Variants in C8orf34 observed in about 807,000 individuals in gnomAD.
C8orf34 encodes chromosome 8 open reading frame 34.
In C8orf34, 65 loss-of-function variants were observed where a neutral mutation model predicts 68.3. The ratio of observed to expected loss-of-function variants is 0.95; its 90% CI spans 0.78 to 1.17. C8orf34 has a LOEUF of 1.17. Among genes scored for constraint, C8orf34 ranks in the 50% most tolerant of loss-of-function variants. C8orf34 has a pLI of 0.00. For missense variants in C8orf34, 664 were observed against 655.4 expected (o/e 1.01, Z -0.14); for synonymous variants, 244 against 241.2 (o/e 1.01, Z -0.11).
intron 8 of C8orf34, among the ~76,000 whole-genome samples, chr8:68,707,912 C>A (rs6651316): frequency 0.081 from 12,245 of 151,980 alleles, 758 homozygotes; most frequent in African/African-American, 0.17. Flanking sequence ...AGAATATTTG[C>A]TATTGCTGAA....
At chr8:68,793,152 A>C (rs759748545) in intron 12 of C8orf34, among the ~76,000 whole-genome samples, 22 of 152,334 alleles carry the variant, frequency 1.4e-4, no homozygotes, top group Non-Finnish European at 2.6e-4. Flanking sequence ...TTTGATATTC[A>C]CATTGTAAAA....
intron 10 of C8orf34, among the ~76,000 whole-genome samples, chr8:68,753,765 G>T (rs1822770859): frequency 6.6e-6 from 1 of 152,158 alleles, no homozygotes; most frequent in Admixed American, 6.5e-5. Context: ...TTTTCATTGA[G>T]GAATGTGGTT....
At chr8:68,653,010 T>C (rs1261300103) in intron 8 of C8orf34, among the ~76,000 whole-genome samples, 1 of 152,218 alleles carries the variant, frequency 6.6e-6, no homozygotes, top group African/African-American at 2.4e-5. Flanking sequence ...CTTAACTTCT[T>C]GGTTCTGTAA....
chr8:68,772,831 TTTTC>T (rs373492193), intron 10 of C8orf34, among the ~76,000 whole-genome samples: 3 of 147,400 alleles, frequency 2.0e-5, no homozygotes, highest in African/African-American at 5.1e-5. Context: ...TCTGTCTTTC[TTTTC>T]TTTCTTTCTC....
intron 3 of C8orf34, among the ~76,000 whole-genome samples, chr8:68,465,799 T>A (rs1471490401): frequency 7.1e-6 from 1 of 141,294 alleles, no homozygotes; most frequent in African/African-American, 2.7e-5. Flanking sequence ...TGGGGCCTGT[T>A]GTGGGGTGGG....
chr8:68,425,537 T>C (rs1220962652), intron 1 of C8orf34, among the ~76,000 whole-genome samples: 1 of 152,132 alleles, frequency 6.6e-6, no homozygotes, highest in Admixed American at 6.5e-5. Flanking sequence ...ATTATAAAAC[T>C]AAAGAAAAAT....
intron 7 of C8orf34, among the ~76,000 whole-genome samples, chr8:68,604,217 A>C (rs1346643643): frequency 1.3e-5 from 2 of 152,074 alleles, no homozygotes; most frequent in African/African-American, 2.4e-5. Flanking sequence ...CCAGAAACAA[A>C]TGGAAGAGAA....
At chr8:68,789,750 G>C (rs1382607634) in intron 12 of C8orf34, among the ~76,000 whole-genome samples, 1 of 151,952 alleles carries the variant, frequency 6.6e-6, no homozygotes, top group Non-Finnish European at 1.5e-5. Flanking sequence ...TGTTTATCAG[G>C]ACAGCTAGAA....
chr8:68,429,358 T>C (rs921627023), intron 1 of C8orf34, among the ~76,000 whole-genome samples: 2 of 152,220 alleles, frequency 1.3e-5, no homozygotes, highest in African/African-American at 4.8e-5. Context: ...GGGATTCTTT[T>C]ATACCACCAG....
intron 1 of C8orf34, among the ~76,000 whole-genome samples, chr8:68,338,340 C>G (rs1329894704): frequency 6.6e-6 from 1 of 152,132 alleles, no homozygotes; most frequent in Non-Finnish European, 1.5e-5. Flanking sequence ...CAAACCACAG[C>G]ATATGTAGTG....
chr8:68,424,075 G>GA (rs1283224983), intron 1 of C8orf34, among the ~76,000 whole-genome samples: 1 of 152,084 alleles, frequency 6.6e-6, no homozygotes, highest in Non-Finnish European at 1.5e-5. Context: ...TGCCTTCCAT[G>GA]AAATGACATA....
At chr8:68,475,059 T>C (rs1812546956) in intron 4 of C8orf34, among the ~76,000 whole-genome samples, 1 of 152,168 alleles carries the variant, frequency 6.6e-6, no homozygotes, top group African/African-American at 2.4e-5. Flanking sequence ...CCAGTACCAT[T>C]GCTTATGACT....
intron 7 of C8orf34, among the ~76,000 whole-genome samples, chr8:68,570,655 A>ATT (rs1369214407): frequency 2.6e-5 from 4 of 152,304 alleles, no homozygotes; most frequent in Admixed American, 2.6e-4. Flanking sequence ...AAGCCCTGTG[A>ATT]AATAAGTCAT....
At chr8:68,675,904 A>G (rs1165634469) in intron 8 of C8orf34, among the ~76,000 whole-genome samples, 1 of 152,240 alleles carries the variant, frequency 6.6e-6, no homozygotes, top group Non-Finnish European at 1.5e-5. Context: ...AAGATATTCC[A>G]TGCAAATGGA....
intron 10 of C8orf34, among the ~76,000 whole-genome samples, chr8:68,772,798 C>T (rs28620944): frequency 5.4e-5 from 8 of 147,224 alleles, no homozygotes; most frequent in African/African-American, 1.0e-4. Flanking sequence ...TCCCTCCCTC[C>T]CTCCTTTCTT....
chr8:68,695,916 T>C (rs925681933), intron 8 of C8orf34: 3 of 152,156 alleles, frequency 2.0e-5, no homozygotes, highest in African/African-American at 7.2e-5. Flanking sequence ...AAAATATATG[T>C]TGTTTTGCTG....
At position 68,772,794 on chromosome 8, in the gene C8orf34, C is replaced by T. The variant is rs140554324; in HGVS notation, c.1405-3605C>T. On this transcript the variant is annotated intron_variant, in intron 10 of 13. Transcript: ENST00000518698. ...CCTTCCTTCTTTCTTTCTTTCCCTC[C>T]CTCCCTCCTTTCTTTCTTTCTTTCT... 4.5e-3 allele frequency among the ~76,000 whole-genome samples: 644 copies of T among 142,728 alleles called. 6 individuals are homozygous for T. Among genetic ancestry groups the T allele is most frequent in the Middle Eastern group, 8.0e-3 (2 of 250 alleles). The allele number at this position is 142,728 out of a possible 152,430, so 93.6% of individuals were successfully genotyped here.
intron 10 of C8orf34, among the ~76,000 whole-genome samples, chr8:68,747,071 T>A (rs1822524597): frequency 6.6e-6 from 1 of 151,580 alleles, no homozygotes; most frequent in Non-Finnish European, 1.5e-5. Context: ...GATGCAAGGC[T>A]GGTTCAATAT....
At chr8:68,388,901 T>G (rs747360434) in intron 1 of C8orf34, among the ~76,000 whole-genome samples, 1 of 152,186 alleles carries the variant, frequency 6.6e-6, no homozygotes, top group Non-Finnish European at 1.5e-5. Flanking sequence ...TGAGAACAAC[T>G]GCCCTAAGCT....
Sources: allele counts gnomAD v4.1 joint callset (sites outside exome capture counted in the v4.1 genomes callset), GRCh38; gene constraint gnomAD v4.1.1; transcripts MANE v1.5; gene names NCBI Gene and HGNC (gene_info 2026-07-23, HGNC 2026-07-21).